PDE4B: variants seen among roughly 807,000 people sequenced by gnomAD.
The protein encoded by PDE4B is 3',5'-cyclic-AMP phosphodiesterase 4B.
A neutral mutation model predicts 82.2 loss-of-function variants in PDE4B; 20 were observed. That is an observed-to-expected ratio of 0.24 (90% CI 0.17 to 0.35). The LOEUF (loss-of-function observed/expected upper bound fraction) is 0.35. Ranked by LOEUF, PDE4B falls within the 10% of genes least tolerant of loss-of-function variation. PDE4B has a pLI of 1.00. For synonymous variants in PDE4B, 320 were observed against 318.9 expected (o/e 1.00, Z -0.04); for missense variants, 655 against 907.2 (o/e 0.72, Z 3.57).
At chr1:66,241,541 C>G (rs778841569) in intron 3 of PDE4B, among the ~76,000 whole-genome samples, 2 of 151,986 alleles carry the variant, frequency 1.3e-5, no homozygotes, top group Admixed American at 1.3e-4. Context: ...GAGTCTCACT[C>G]TGTTGCTCAG....
intron 1 of PDE4B, among the ~76,000 whole-genome samples, chr1:65,821,307 T>A (rs1180883566): frequency 2.6e-5 from 4 of 152,218 alleles, no homozygotes; most frequent in Admixed American, 2.6e-4. Flanking sequence ...CCAATGCTGT[T>A]AAGTACAAGG....
rs143699354 is a variant in PDE4B, at chr1:65,832,122, C to T, written c.-71+38874C>T. ...ATGTTGCTTATGAAATCTTTGGACT[C>T]CTAATGATAGGTGTAAGATTGAAAG... On this transcript the variant is annotated intron_variant, in intron 1 of 16. Coordinates refer to ENST00000341517, the MANE Select transcript of PDE4B (RefSeq NM_002600.4). Among the ~76,000 whole-genome samples the T allele has an allele frequency of 9.1e-3, 1,384 of 152,184 alleles. 8 individuals carry two copies. The highest frequency in any genetic ancestry group is 0.013 in the Non-Finnish European group (881 of 67,988).
chr1:65,939,246 CT>C (rs1166722122), intron 3 of PDE4B, among the ~76,000 whole-genome samples: 1 of 152,120 alleles, frequency 6.6e-6, no homozygotes, highest in Admixed American at 6.6e-5. Context: ...AAATAGACTA[CT>C]TTTCAGCCTT....
chr1:65,818,668 A>G (rs1483070633), intron 1 of PDE4B, among the ~76,000 whole-genome samples: 2 of 104,806 alleles, frequency 1.9e-5, no homozygotes, highest in Non-Finnish European at 3.9e-5. Flanking sequence ...GCATACATAT[A>G]TATTCACACA....
chr1:66,204,074 C>G (rs1255321099), intron 3 of PDE4B, among the ~76,000 whole-genome samples: 1 of 152,186 alleles, frequency 6.6e-6, no homozygotes, highest in Non-Finnish European at 1.5e-5. Flanking sequence ...CAGACAGGAC[C>G]CTCAGCTGCA....
chr1:66,257,700 C>A lies in PDE4B; in HGVS notation c.513+17C>A, dbSNP rs1167265791. 6.2e-7 allele frequency: 1 copy of A among 1,612,356 alleles called. No homozygotes were observed. Among genetic ancestry groups the A allele is most frequent in the East Asian group, 2.2e-5 (1 of 44,880 alleles). On this transcript the variant is annotated intron_variant, in intron 5 of 16. Coordinates refer to ENST00000341517, the MANE Select transcript of PDE4B (RefSeq NM_002600.4). ...TTTGCCCAGGTATGTATTATGCTGG[C>A]CCTGGCTTGCTTTCACTGTCGCTGG...
chr1:65,988,883 A>C (rs1651096194), intron 3 of PDE4B, among the ~76,000 whole-genome samples: 1 of 152,166 alleles, frequency 6.6e-6, no homozygotes, highest in Non-Finnish European at 1.5e-5. Flanking sequence ...AGTTTGAAGG[A>C]TATTGAATAT....
At chr1:66,255,572 A>G (rs1422464953) in intron 4 of PDE4B, among the ~76,000 whole-genome samples, 1 of 152,086 alleles carries the variant, frequency 6.6e-6, no homozygotes, top group East Asian at 1.9e-4. Context: ...CCATTTCAGT[A>G]CCTTTGTTCC....
intron 3 of PDE4B, among the ~76,000 whole-genome samples, chr1:66,053,530 G>C (rs1655145984): frequency 6.6e-6 from 1 of 152,152 alleles, no homozygotes; most frequent in Non-Finnish European, 1.5e-5. Context: ...CAGAGAGATA[G>C]AGTAACCTGG....
At chr1:66,082,641 A>AATATATATATATATATATAT (rs67481716) in intron 3 of PDE4B, among the ~76,000 whole-genome samples, 4 of 147,836 alleles carry the variant, frequency 2.7e-5, no homozygotes, top group African/African-American at 9.9e-5. Context: ...GGATTGAAAT[A>AATATATATATATATATATAT]ATATATATAT....
At chr1:66,275,754 C>T (rs1655834101) in intron 7 of PDE4B, among the ~76,000 whole-genome samples, 1 of 152,196 alleles carries the variant, frequency 6.6e-6, no homozygotes, top group Non-Finnish European at 1.5e-5. Context: ...AGGAGCATTT[C>T]AGGGAACAGC....
chr1:66,362,021 TCTTA>T, intron 10 of PDE4B, among the ~76,000 whole-genome samples: 1 of 152,250 alleles, frequency 6.6e-6, no homozygotes, highest in African/African-American at 2.4e-5. Context: ...AGCCTGGATC[TCTTA>T]TGCTGGGTAG....
At chr1:66,090,621 A>ATATATATGTG in intron 3 of PDE4B, among the ~76,000 whole-genome samples, 2 of 122,736 alleles carry the variant, frequency 1.6e-5, no homozygotes, top group African/African-American at 8.2e-5. Flanking sequence ...TATATAATAT[A>ATATATATGTG]TGTGTGTGTG....
At chr1:66,164,822 A>G (rs3005564) in intron 3 of PDE4B, among the ~76,000 whole-genome samples, 108,943 of 144,952 alleles carry the variant, frequency 0.75, 41,283 homozygotes, top group East Asian at 0.88. Flanking sequence ...AGTGGCGCGC[A>G]ATCTCAGCTT....
chr1:66,109,555 T>C, intron 3 of PDE4B, among the ~76,000 whole-genome samples: 1 of 151,914 alleles, frequency 6.6e-6, no homozygotes, highest in East Asian at 1.9e-4. Flanking sequence ...TAAAAATTAT[T>C]AGAGCATTTG....
chr1:65,976,458 G>A (rs780759558), intron 3 of PDE4B, among the ~76,000 whole-genome samples: 1 of 152,172 alleles, frequency 6.6e-6, no homozygotes, highest in African/African-American at 2.4e-5. Flanking sequence ...GGACTTTTGA[G>A]TTAATGCTGG....
chr1:65,861,403 C>T (rs1257347392), intron 1 of PDE4B, among the ~76,000 whole-genome samples: 5 of 152,132 alleles, frequency 3.3e-5, no homozygotes, highest in Admixed American at 1.3e-4. Flanking sequence ...TTCCACTGGT[C>T]TTTATATCTG....
intron 3 of PDE4B, among the ~76,000 whole-genome samples, chr1:66,118,166 T>G (rs1645635153): frequency 6.6e-6 from 1 of 152,234 alleles, no homozygotes; most frequent in Admixed American, 6.5e-5. Context: ...TTGTTTGTTT[T>G]TTTCTTGTAA....
intron 1 of PDE4B, among the ~76,000 whole-genome samples, chr1:65,838,869 C>T (rs1222682245): frequency 2.6e-5 from 4 of 151,980 alleles, no homozygotes; most frequent in Non-Finnish European, 5.9e-5. Flanking sequence ...TTCATAAGCT[C>T]AAGAGGTTTC....
Sources: allele counts gnomAD v4.1 joint callset (sites outside exome capture counted in the v4.1 genomes callset), GRCh38; gene constraint gnomAD v4.1.1; transcripts MANE v1.5; gene names NCBI Gene and HGNC (gene_info 2026-07-23, HGNC 2026-07-21).